PREX1: variants seen among roughly 807,000 people sequenced by gnomAD.
PREX1 encodes the protein phosphatidylinositol 3,4,5-trisphosphate-dependent Rac exchanger 1 protein.
In PREX1, 41 loss-of-function variants were observed where a neutral mutation model predicts 198.3. The ratio of observed to expected loss-of-function variants is 0.21; its 90% CI spans 0.16 to 0.27. The LOEUF (loss-of-function observed/expected upper bound fraction) is 0.27, where lower values mean the gene tolerates loss of function less well. PREX1 is among the 10% of genes least tolerant of loss of function. The probability of loss-of-function intolerance (pLI) is 1.00; values close to 1 mark genes in which losing one functional copy is unlikely to be tolerated. For missense variants in PREX1, 1,620 were observed against 2,200.7 expected, an observed-to-expected ratio of 0.74 and a Z score of 5.28; for synonymous variants, 843 against 887.2, an observed-to-expected ratio of 0.95 and a Z score of 0.89.
At chr20:48,636,176 C>T (rs917201591) in intron 32 of PREX1, among the ~76,000 whole-genome samples, 2 of 152,224 alleles carry the variant, frequency 1.3e-5, no homozygotes, top group African/African-American at 4.8e-5. Flanking sequence ...GGGGAAACTG[C>T]CCTGGGCTGA....
intron 19 of PREX1, among the ~76,000 whole-genome samples, chr20:48,654,780 G>C (rs2089529667): frequency 6.6e-6 from 1 of 152,236 alleles, no homozygotes; most frequent in African/African-American, 2.4e-5. Context: ...TGGGGGCCCA[G>C]TATCATAGAC....
At chr20:48,871,870 G>A in the PREX1 span, among the ~76,000 whole-genome samples, 3 of 151,228 alleles carry the variant, frequency 2.0e-5, no homozygotes, top group Non-Finnish European at 4.4e-5. Flanking sequence ...CAAGATTCAG[G>A]GCACCTCGGC....
At chr20:48,751,959 G>C (rs1216172742) in intron 1 of PREX1, among the ~76,000 whole-genome samples, 1 of 152,168 alleles carries the variant, frequency 6.6e-6, no homozygotes, top group African/African-American at 2.4e-5. Flanking sequence ...TTTGCAAAAA[G>C]AAATTCAACA....
At chr20:48,832,544 A>C (rs73260271), upstream of PREX1, among the ~76,000 whole-genome samples, 4,333 of 152,306 alleles carry the variant, frequency 0.028, 214 homozygotes, top group African/African-American at 0.099. Flanking sequence ...AGCCCAGAGC[A>C]GGGCTGTTCC....
chr20:48,628,242 C>T (rs890011746), intron 37 of PREX1, among the ~76,000 whole-genome samples: 3 of 152,220 alleles, frequency 2.0e-5, no homozygotes, highest in East Asian at 1.9e-4. Flanking sequence ...CCCAGTGCCT[C>T]GCTCAGAGGA....
chr20:48,762,840 T>C (rs1162870789), intron 1 of PREX1, among the ~76,000 whole-genome samples: 5 of 152,076 alleles, frequency 3.3e-5, no homozygotes, highest in Non-Finnish European at 2.9e-5. Context: ...GTAGCTGGGA[T>C]TACAGGTGCA....
At chr20:48,672,793 C>T (rs1300102420) in intron 14 of PREX1, among the ~76,000 whole-genome samples, 1 of 152,242 alleles carries the variant, frequency 6.6e-6, no homozygotes, top group East Asian at 1.9e-4. Context: ...TGCACCACCC[C>T]GCCCATGTGA....
At chr20:48,722,357 A>G (rs1415266065) in intron 5 of PREX1, among the ~76,000 whole-genome samples, 1 of 152,226 alleles carries the variant, frequency 6.6e-6, no homozygotes, top group African/African-American at 2.4e-5. Context: ...GCCAGGCACG[A>G]AAGACCAGCA....
intron 5 of PREX1, among the ~76,000 whole-genome samples, chr20:48,721,853 A>C: frequency 6.6e-6 from 1 of 151,670 alleles, no homozygotes; most frequent in East Asian, 1.9e-4. Context: ...AGCCGACAGG[A>C]CCTCCTCATG....
chr20:48,651,063 A>C lies in PREX1; in HGVS notation c.2656-8T>G. ...AGCAAAGGCCTCGAGGATCTGCAGAAATGTCAACAGCTACTGAGCATTCCC... is the reference window on the plus strand; with the variant it reads ...AGCAAAGGCCTCGAGGATCTGCAGACATGTCAACAGCTACTGAGCATTCCC... On this transcript the variant is annotated splice_region_variant and splice_polypyrimidine_tract_variant and intron_variant, in intron 22 of 39. Coordinates refer to ENST00000371941, the MANE Select transcript of PREX1 (RefSeq NM_020820.4). The C allele has an allele frequency of 6.2e-7, 1 of 1,613,712 alleles. No homozygotes were observed. Among genetic ancestry groups the C allele is most frequent in the Non-Finnish European group, 8.5e-7 (1 of 1,179,876 alleles).
At chr20:48,704,325 G>A (rs79213267) in intron 6 of PREX1, among the ~76,000 whole-genome samples, 7,191 of 152,270 alleles carry the variant, frequency 0.047, 346 homozygotes, top group African/African-American at 0.12. Context: ...TCCAAGGGGA[G>A]AGACCATGTC....
At chr20:48,873,540 C>A in the PREX1 span, among the ~76,000 whole-genome samples, 1 of 131,232 alleles carries the variant, frequency 7.6e-6, no homozygotes, top group Non-Finnish European at 1.6e-5. Context: ...GAAACCCAGT[C>A]TCTAGTAAAA....
In PREX1 at chr20:48,708,339, G is replaced by C. The variant is rs1484581061; in HGVS notation, c.704C>G (p.Ser235Cys). ...SALQAMKTVC[S>C]NINETKRQME... ...CTGCCGCTTGGTCTCATTGATGTTGGAGCAAACGGTCTTCATGGCCTGCAG... is the reference window on the plus strand; with the variant it reads ...CTGCCGCTTGGTCTCATTGATGTTGCAGCAAACGGTCTTCATGGCCTGCAG... The change falls in exon 6 of 40, where the codon TCC becomes TGC. Residue 235 changes from serine to cysteine, a missense_variant. Around this residue, in one of 7 missense-constraint regions of PREX1, gnomAD observed 488 missense variants for 802.5 expected, o/e 0.61. Transcript: ENST00000371941. The C allele has an allele frequency of 7.4e-6, 12 of 1,614,006 alleles. No homozygotes were observed. The highest frequency in any genetic ancestry group is 9.3e-6 in the Non-Finnish European group (11 of 1,180,048).
chr20:48,695,265 G>A (rs764456231), intron 7 of PREX1, among the ~76,000 whole-genome samples: 1 of 152,184 alleles, frequency 6.6e-6, no homozygotes, highest in Admixed American at 6.5e-5. Flanking sequence ...TCACAAGTGT[G>A]TACTTTTGTG....
intron 1 of PREX1, among the ~76,000 whole-genome samples, chr20:48,752,513 G>A (rs1301285931): frequency 6.6e-6 from 1 of 152,200 alleles, no homozygotes; most frequent in East Asian, 1.9e-4. Context: ...GTGCAGGGCA[G>A]GCCAGAGGTG....
intron 5 of PREX1, among the ~76,000 whole-genome samples, chr20:48,711,612 C>A (rs2089931278): frequency 6.6e-6 from 1 of 152,170 alleles, no homozygotes; most frequent in Non-Finnish European, 1.5e-5. Context: ...TTTGTCGGAA[C>A]CAAGTATCCT....
chr20:48,760,969 A>G (rs995741612), intron 1 of PREX1, among the ~76,000 whole-genome samples: 1 of 152,210 alleles, frequency 6.6e-6, no homozygotes, highest in Non-Finnish European at 1.5e-5. Flanking sequence ...GAGACAGACT[A>G]TACACTGATT....
chr20:48,708,209 C>G, intron 6 of PREX1, 51 bp downstream of exon 6: 2 of 1,593,088 alleles, frequency 1.3e-6, no homozygotes, highest in Non-Finnish European at 1.7e-6. Context: ...TGCACCTGTG[C>G]ACCTCCTGGC....
intron 13 of PREX1, among the ~76,000 whole-genome samples, chr20:48,676,846 T>C (rs759453503): frequency 6.6e-6 from 1 of 152,266 alleles, no homozygotes. Context: ...AACCAAACCA[T>C]TGTGGAAAGC....
Sources: allele counts gnomAD v4.1 joint callset (sites outside exome capture counted in the v4.1 genomes callset), GRCh38; gene constraint gnomAD v4.1.1; regional missense constraint gnomAD v4.1.1; transcripts MANE v1.5; gene names NCBI Gene and HGNC (gene_info 2026-07-23, HGNC 2026-07-21).